Variants in PTPRD observed in about 807,000 individuals in gnomAD.
PTPRD encodes the protein receptor-type tyrosine-protein phosphatase delta.
PTPRD carries 34 observed loss-of-function variants against 214.5 expected under a neutral mutation model. The observed-to-expected ratio is 0.16, with a 90% CI of 0.12 to 0.21. The LOEUF is 0.21. Ranked by LOEUF, PTPRD falls within the 10% of genes least tolerant of loss-of-function variation. The probability of loss-of-function intolerance (pLI) is 1.00; values close to 1 mark genes in which losing one functional copy is unlikely to be tolerated. For synonymous variants in PTPRD, 1,128 were observed against 845.7 expected, an observed-to-expected ratio of 1.33 and a Z score of -5.79; for missense variants, 2,545 against 2,398.7, an observed-to-expected ratio of 1.06 and a Z score of -1.27.
chr9:8,400,861 G>A (rs371528959), intron 36 of PTPRD, among the ~76,000 whole-genome samples: 104 of 152,178 alleles, frequency 6.8e-4, no homozygotes, highest in African/African-American at 2.1e-3. Context: ...ATAAAACAAC[G>A]GATAAGGAAA....
intron 5 of PTPRD, among the ~76,000 whole-genome samples, chr9:9,917,758 G>C (rs2081356902): frequency 6.6e-6 from 1 of 151,968 alleles, no homozygotes. Context: ...TTAAATGGGA[G>C]TTATCTCAGA....
chr9:10,075,578 A>T (rs1399582781), intron 3 of PTPRD, among the ~76,000 whole-genome samples: 1 of 151,992 alleles, frequency 6.6e-6, no homozygotes, highest in African/African-American at 2.4e-5. Flanking sequence ...TTCACTGATA[A>T]ATCACAAGTG....
At chr9:9,275,372 T>A (rs1945200504) in intron 9 of PTPRD, among the ~76,000 whole-genome samples, 2 of 149,054 alleles carry the variant, frequency 1.3e-5, no homozygotes, top group South Asian at 4.2e-4. Flanking sequence ...CCTTTGTGTA[T>A]GTATGTATTT....
chr9:8,492,084 T>C (rs968040293), intron 27 of PTPRD, among the ~76,000 whole-genome samples: 2 of 152,230 alleles, frequency 1.3e-5, no homozygotes, highest in African/African-American at 2.4e-5. Context: ...CCTTATTCTT[T>C]AGAGGGGAGT....
At chr9:9,680,611 T>C (rs879512086) in intron 7 of PTPRD, among the ~76,000 whole-genome samples, 11 of 151,874 alleles carry the variant, frequency 7.2e-5, no homozygotes, top group Non-Finnish European at 7.4e-5. Flanking sequence ...GAAAGAACTA[T>C]TGAGAATAGC....
intron 8 of PTPRD, among the ~76,000 whole-genome samples, chr9:9,476,455 T>C (rs1194450735): frequency 6.6e-6 from 1 of 152,192 alleles, no homozygotes; most frequent in Non-Finnish European, 1.5e-5. Flanking sequence ...AATAGTGATG[T>C]GTTACGGGGA....
At chr9:9,283,158 G>C (rs1265332531) in intron 9 of PTPRD, among the ~76,000 whole-genome samples, 1 of 151,446 alleles carries the variant, frequency 6.6e-6, no homozygotes, top group African/African-American at 2.4e-5. Flanking sequence ...CCTCTGGGCA[G>C]TGAAATAAGA....
At chr9:8,388,864 G>C (rs1036268311) in intron 37 of PTPRD, among the ~76,000 whole-genome samples, 8 of 152,064 alleles carry the variant, frequency 5.3e-5, no homozygotes, top group African/African-American at 1.9e-4. Flanking sequence ...AATAGTGGAA[G>C]TACATATTGG....
At chr9:8,663,141 G>A (rs954607473) in intron 12 of PTPRD, among the ~76,000 whole-genome samples, 6 of 151,256 alleles carry the variant, frequency 4.0e-5, no homozygotes, top group African/African-American at 1.5e-4. Context: ...TCTTCCAACT[G>A]GTCTTTTGAT....
intron 10 of PTPRD, among the ~76,000 whole-genome samples, chr9:9,025,101 G>A (rs1427749647): frequency 6.6e-6 from 1 of 151,912 alleles, no homozygotes; most frequent in Non-Finnish European, 1.5e-5. Flanking sequence ...TTATTCACTA[G>A]TCCATCAGTT....
At chr9:10,509,383 T>C (rs1042383741) in intron 2 of PTPRD, among the ~76,000 whole-genome samples, 2 of 151,508 alleles carry the variant, frequency 1.3e-5, no homozygotes, top group Non-Finnish European at 2.9e-5. Flanking sequence ...TCTAATCTTA[T>C]GTTACGGTTA....
At chr9:8,512,847 A>G (rs2097708838) in intron 21 of PTPRD, among the ~76,000 whole-genome samples, 1 of 152,024 alleles carries the variant, frequency 6.6e-6, no homozygotes, top group Non-Finnish European at 1.5e-5. Context: ...TAGCATGAAC[A>G]TCAAGCAACA....
intron 4 of PTPRD, among the ~76,000 whole-genome samples, chr9:10,006,166 T>C (rs2096469429): frequency 6.6e-6 from 1 of 152,032 alleles, no homozygotes; most frequent in East Asian, 1.9e-4. Flanking sequence ...AAAATGTAAA[T>C]AAGAGTAAAA....
chr9:9,305,245 A>G (rs1361679906), intron 9 of PTPRD, among the ~76,000 whole-genome samples: 1 of 151,660 alleles, frequency 6.6e-6, no homozygotes, highest in East Asian at 1.9e-4. Context: ...CTATTCTGTC[A>G]TTGTAGATAT....
At position 9,346,653 on chromosome 9, in the gene PTPRD, T is replaced by C. The variant is rs10816095; in HGVS notation, c.-203+50796A>G. Among the ~76,000 whole-genome samples the C allele has an allele frequency of 4.8e-3, 735 of 152,266 alleles. 5 individuals are homozygous for C. Among genetic ancestry groups the C allele is most frequent in the East Asian group, 0.039 (200 of 5,168 alleles). On this transcript the variant is annotated intron_variant, in intron 9 of 45. Transcript: ENST00000381196. ...GTTTTTGAATTGTGCCTTTGTATGTTTTTATTTGTACTATTCTATTAAATA... is the reference window on the plus strand; with the variant it reads ...GTTTTTGAATTGTGCCTTTGTATGTCTTTATTTGTACTATTCTATTAAATA...
intron 2 of PTPRD, among the ~76,000 whole-genome samples, chr9:10,356,836 T>C (rs369925910): frequency 6.6e-6 from 1 of 151,908 alleles, no homozygotes; most frequent in Non-Finnish European, 1.5e-5. Context: ...CCTGCCACCA[T>C]GCCCGGCTAA....
chr9:10,542,613 A>G (rs1293473343), intron 2 of PTPRD, among the ~76,000 whole-genome samples: 1 of 152,182 alleles, frequency 6.6e-6, no homozygotes, highest in East Asian at 1.9e-4. Context: ...TCAGAGTTAT[A>G]ATAGTTGTTG....
At chr9:10,485,027 GA>G (rs2099123668) in intron 2 of PTPRD, among the ~76,000 whole-genome samples, 1 of 144,130 alleles carries the variant, frequency 6.9e-6, no homozygotes, top group South Asian at 2.2e-4. Flanking sequence ...ATTTTTACTT[GA>G]TTTTTTTTTT....
intron 10 of PTPRD, among the ~76,000 whole-genome samples, chr9:9,145,989 T>G (rs1204186358): frequency 6.6e-6 from 1 of 152,224 alleles, no homozygotes; most frequent in Admixed American, 6.5e-5. Context: ...AAGTGCCTGA[T>G]GGCGCTTTGA....
Sources: allele counts gnomAD v4.1 joint callset (sites outside exome capture counted in the v4.1 genomes callset), GRCh38; gene constraint gnomAD v4.1.1; transcripts MANE v1.5; gene names NCBI Gene and HGNC (gene_info 2026-07-23, HGNC 2026-07-21).